NFIB: variants seen among roughly 807,000 people sequenced by gnomAD.
NFIB encodes nuclear factor 1 B-type.
NFIB carries 11 observed loss-of-function variants against 61.5 expected under a neutral mutation model. That is an observed-to-expected ratio of 0.18 (90% CI 0.11 to 0.30). The LOEUF (loss-of-function observed/expected upper bound fraction) is 0.30. NFIB is among the 10% of genes least tolerant of loss of function. NFIB has a pLI of 1.00. For missense variants in NFIB, 471 were observed against 608.9 expected (o/e 0.77, Z 2.38); for synonymous variants, 260 against 216.5 (o/e 1.20, Z -1.76).
At chr9:14,172,632 AT>A (rs1257721536) in intron 3 of NFIB, among the ~76,000 whole-genome samples, 4 of 152,194 alleles carry the variant, frequency 2.6e-5, no homozygotes, top group Non-Finnish European at 4.4e-5. Flanking sequence ...AAAAATTACA[AT>A]TCTATTTCAT....
At chr9:14,384,116 G>C (rs1002554322) in intron 1 of NFIB, among the ~76,000 whole-genome samples, 1 of 152,156 alleles carries the variant, frequency 6.6e-6, no homozygotes, top group Non-Finnish European at 1.5e-5. Flanking sequence ...AAATCCTTGT[G>C]TGGTTGGCAT....
chr9:14,304,754 T>C (rs1033016488), intron 2 of NFIB, among the ~76,000 whole-genome samples: 8 of 152,242 alleles, frequency 5.3e-5, no homozygotes, highest in Admixed American at 4.6e-4. Flanking sequence ...AAGTCATCAC[T>C]CGCGATATGC....
At chr9:14,367,204 A>C (rs1484601672) in intron 1 of NFIB, among the ~76,000 whole-genome samples, 1 of 152,128 alleles carries the variant, frequency 6.6e-6, no homozygotes, top group African/African-American at 2.4e-5. Context: ...TCTTTCAAGG[A>C]GTGTCAGGTC....
chr9:14,496,880 G>A, the NFIB span, among the ~76,000 whole-genome samples: 8 of 152,116 alleles, frequency 5.3e-5, no homozygotes, highest in East Asian at 7.7e-4. Context: ...AATGGTCTAC[G>A]CTTCCTGCTT....
At chr9:14,351,413 T>C (rs1588352756) in intron 1 of NFIB, among the ~76,000 whole-genome samples, 1 of 152,282 alleles carries the variant, frequency 6.6e-6, no homozygotes, top group East Asian at 1.9e-4. Flanking sequence ...GGGCTGGCTG[T>C]GTCCGGGCCA....
Position 14,166,802 on chromosome 9 carries a change from C to T in NFIB, c.617-10909G>A, listed in dbSNP as rs371842915. ...TCCTCTATATCAATGCTTTTTTCCACAGTATCAGTGCTGTTTCTTACTCCT... is the reference window on the plus strand; with the variant it reads ...TCCTCTATATCAATGCTTTTTTCCATAGTATCAGTGCTGTTTCTTACTCCT... On this transcript the variant is annotated intron_variant, in intron 3 of 10. Transcript: ENST00000380953. Among the ~76,000 whole-genome samples, 38 of 152,264 alleles carry T rather than the reference C, an allele frequency of 2.5e-4. No individual in the cohort carries two copies. In the East Asian group the frequency reaches 5.0e-3, roughly 20 times the overall value.
chr9:14,450,477 C>T, the NFIB span, among the ~76,000 whole-genome samples: 6 of 152,292 alleles, frequency 3.9e-5, no homozygotes, highest in East Asian at 1.2e-3. Context: ...TCATTTATCA[C>T]CCTTTCTTAG....
the NFIB span, among the ~76,000 whole-genome samples, chr9:14,515,369 G>C: frequency 1.3e-5 from 2 of 152,178 alleles, no homozygotes; most frequent in African/African-American, 4.8e-5. Flanking sequence ...AGCTCTCCGA[G>C]TTCTCACAAC....
intron 6 of NFIB, among the ~76,000 whole-genome samples, chr9:14,133,537 A>C (rs2040650457): frequency 1.3e-5 from 2 of 152,176 alleles, no homozygotes; most frequent in Non-Finnish European, 2.9e-5. Flanking sequence ...TTCAGGCCAC[A>C]AATCCAGAGT....
chr9:14,289,358 A>G (rs556488585), intron 2 of NFIB, among the ~76,000 whole-genome samples: 1 of 151,772 alleles, frequency 6.6e-6, no homozygotes, highest in East Asian at 1.9e-4. Context: ...GGGGAAAAGA[A>G]GTATGAAAAT....
In NFIB at chr9:14,371,489, G is replaced by A. The variant is rs2061358310; in HGVS notation, c.108+27035C>T. Among the ~76,000 whole-genome samples the A allele has an allele frequency of 1.3e-5, 2 of 152,154 alleles. 1 individual carries two copies. Among genetic ancestry groups the A allele is most frequent in the South Asian group, 4.1e-4 (2 of 4,824 alleles). ...TGGTTCTGCCACTAGTTACTTGGGT[G>A]ATCTCTGGGCAAGTCACTTAGACTT... On this transcript the variant is annotated intron_variant, in intron 1 of 8. Coordinates refer to the NFIB transcript ENST00000380934.
At chr9:14,348,217 A>C (rs1239919886) in intron 1 of NFIB, among the ~76,000 whole-genome samples, 1 of 152,172 alleles carries the variant, frequency 6.6e-6, no homozygotes, top group Non-Finnish European at 1.5e-5. Flanking sequence ...GCATAATTCA[A>C]TTATATCATA....
intron 2 of NFIB, among the ~76,000 whole-genome samples, chr9:14,234,804 G>GTT (rs2053576741): frequency 3.4e-5 from 3 of 87,632 alleles, no homozygotes; most frequent in African/African-American, 1.1e-4. Flanking sequence ...TTTTTTTTTT[G>GTT]GTTTTTTTTT....
chr9:14,289,081 CGTGT>C (rs58218572), intron 2 of NFIB, among the ~76,000 whole-genome samples: 4 of 142,398 alleles, frequency 2.8e-5, no homozygotes, highest in Non-Finnish European at 6.1e-5. Context: ...TTTTCCAAAG[CGTGT>C]GTGTGTGTGT....
At chr9:14,427,957 T>TTTTTG in the NFIB span, among the ~76,000 whole-genome samples, 1 of 118,910 alleles carries the variant, frequency 8.4e-6, no homozygotes, top group African/African-American at 3.6e-5. Flanking sequence ...TTTTTTTTTT[T>TTTTTG]TTTTTTTGGC....
intron 1 of NFIB, among the ~76,000 whole-genome samples, chr9:14,354,926 T>C (rs1019223854): frequency 6.6e-6 from 1 of 152,010 alleles, no homozygotes; most frequent in Non-Finnish European, 1.5e-5. Context: ...CTATTCCTTG[T>C]GCGGCAGGGG....
intron 2 of NFIB, among the ~76,000 whole-genome samples, chr9:14,246,024 T>C (rs1204863933): frequency 6.6e-6 from 1 of 151,932 alleles, no homozygotes; most frequent in Non-Finnish European, 1.5e-5. Context: ...AATGTGTGGT[T>C]GCACAAATGT....
intron 2 of NFIB, among the ~76,000 whole-genome samples, chr9:14,231,740 G>A (rs530357177): frequency 6.6e-6 from 1 of 152,262 alleles, no homozygotes; most frequent in East Asian, 1.9e-4. Context: ...ACACGTGAAT[G>A]GCTCCTACAA....
At chr9:14,434,660 A>G in the NFIB span, among the ~76,000 whole-genome samples, 2 of 152,360 alleles carry the variant, frequency 1.3e-5, no homozygotes, top group African/African-American at 2.4e-5. Context: ...AAGCTTCCCA[A>G]TAACATTAGT....
Sources: gnomAD v4.1 joint callset for allele counts (sites outside exome capture counted in the v4.1 genomes callset) on GRCh38, gnomAD v4.1.1 for gene constraint, MANE v1.5 for transcripts, NCBI Gene and HGNC (gene_info 2026-07-23, HGNC 2026-07-21) for gene names.